PRIM1: variants seen among roughly 807,000 people sequenced by gnomAD.
PRIM1 encodes the protein DNA primase small subunit.
A neutral mutation model predicts 60.2 loss-of-function variants in PRIM1; 38 were observed. That is an observed-to-expected ratio of 0.63 (90% CI 0.49 to 0.83). PRIM1 has a LOEUF of 0.83. Among genes scored for constraint, PRIM1 ranks in the 40% least tolerant of loss-of-function variants. The probability of loss-of-function intolerance (pLI) is 0.00; values close to 1 mark genes in which losing one functional copy is unlikely to be tolerated. For synonymous variants in PRIM1, 158 were observed against 160.2 expected (o/e 0.99, Z 0.10); for missense variants, 388 against 506.2 (o/e 0.77, Z 2.24).
At chr12:56,735,095 G>A (rs1245555163) in intron 11 of PRIM1, among the ~76,000 whole-genome samples, 2 of 151,718 alleles carry the variant, frequency 1.3e-5, no homozygotes, top group African/African-American at 2.4e-5. Flanking sequence ...ACAGGCGTGA[G>A]CCACCGCGCC....
intron 1 of PRIM1, 136 bp downstream of exon 1, chr12:56,752,060 C>A (rs1162141563): frequency 4.9e-6 from 2 of 411,940 alleles, no homozygotes; most frequent in South Asian, 4.9e-5. Flanking sequence ...AGTGGTGGGG[C>A]GGGCTCGAGA....
chr12:56,738,427 AC>A lies in PRIM1; in HGVS notation c.1144+6del. Reference sequence around the variant, plus strand: ...ATTTAAAGTGAAGCTTCAAAATATTACCTTACCTCTGGTTCTATGTTTGACA... The same window carrying A: ...ATTTAAAGTGAAGCTTCAAAATATTACTTACCTCTGGTTCTATGTTTGACA... On this transcript the variant is annotated splice_donor_region_variant and intron_variant, in intron 11 of 12. Transcript: ENST00000338193. The A allele has an allele frequency of 6.4e-7, 1 of 1,569,620 alleles. No homozygotes were observed. The highest frequency in any genetic ancestry group is 8.7e-7 in the Non-Finnish European group (1 of 1,155,852).
At chr12:56,741,325 T>G (rs1480254398) in intron 9 of PRIM1, 110 bp downstream of exon 9, 4 of 1,197,800 alleles carry the variant, frequency 3.3e-6, no homozygotes, top group Non-Finnish European at 4.5e-6. Flanking sequence ...GAGCAATTCT[T>G]CTACCTTTAA....
rs1953874460 is a variant in PRIM1 at position 56,741,823 on chromosome 12, G to A, written c.763C>T (p.Leu255Phe). The A allele has an allele frequency of 1.2e-6, 2 of 1,613,802 alleles. No individual in the cohort carries two copies. Among genetic ancestry groups the A allele is most frequent in the Non-Finnish European group, 1.7e-6 (2 of 1,179,874 alleles). Reference protein sequence around the residue: ...ALVPETIHDELQQSFQKSHNS... With the variant: ...ALVPETIHDEFQQSFQKSHNS... ...TGAGACTTTTGGAAGCTTTGTTGAA[G>A]TTCATCATGAATTGGTGATGGGTCA... is the stretch of plus-strand genomic sequence containing the variant. Residue 255 changes from leucine to phenylalanine, a missense_variant, in exon 8 of 13, where the codon CTT (leucine) becomes TTT (phenylalanine). By Grantham distance (22) the Leu-to-Phe change is conservative (BLOSUM62 0). This residue lies in a region of PRIM1 where 211 missense variants were observed against 277.9 expected (regional missense o/e 0.76). Coordinates refer to ENST00000338193, the MANE Select transcript of PRIM1 (RefSeq NM_000946.3).
At position 56,738,381 on chromosome 12, in the gene PRIM1, A is replaced by C. The variant is rs188257926; in HGVS notation, c.1144+53T>G. Reference sequence around the variant, plus strand: ...AATTAATTACTGGAGTGACAGATGGATATCTATATAAAAACCCTGTATTTA... The same window carrying C: ...AATTAATTACTGGAGTGACAGATGGCTATCTATATAAAAACCCTGTATTTA... On this transcript the variant is annotated intron_variant, in intron 11 of 12. Transcript: ENST00000338193. 93 of 1,522,034 alleles carry C rather than the reference A, an allele frequency of 6.1e-5. No homozygotes were observed. The African/African-American group carries it at 1.2e-3, about 20-fold the overall frequency. 94.3% of individuals were successfully genotyped at this position (1,522,034 alleles called of 1,614,324 possible). A position where few individuals can be genotyped will look rare whatever the true frequency, so the allele number is the denominator to read the frequency against.
chr12:56,733,113 C>T (rs893330695), intron 12 of PRIM1, among the ~76,000 whole-genome samples: 3 of 149,954 alleles, frequency 2.0e-5, no homozygotes, highest in African/African-American at 7.4e-5. Context: ...CTTTGGCCTC[C>T]CAAAGTGCTA....
Position 56,743,018 on chromosome 12 carries a change from G to A in PRIM1, c.717C>T (p.Ser239=). 6.5e-7 allele frequency: 1 copy of A among 1,548,112 alleles called. No individual in the cohort carries two copies. Among genetic ancestry groups the A allele is most frequent in the African/African-American group, 1.4e-5 (1 of 72,812 alleles). Residue 239 remains serine (S), a synonymous_variant, in exon 7 of 13, where the codon AGC becomes AGT. Coordinates refer to ENST00000338193, the MANE Select transcript of PRIM1 (RefSeq NM_000946.3). ...VNQDILENKE[S]WDKILALVPE... is the part of the protein sequence containing the mutation. ...GAACAAGGGCTAAAATCTTATCCCA[G>A]CTTTCTTTATTTTCGAGAATATCTT...
At position 56,746,931 on chromosome 12, in the gene PRIM1, A is replaced by C; in HGVS notation, c.363T>G (p.Cys121Trp). 6.2e-7 allele frequency: 1 copy of C among 1,613,568 alleles called. No homozygotes were observed. Among genetic ancestry groups the C allele is most frequent in the Non-Finnish European group, 8.5e-7 (1 of 1,179,636 alleles). ...GCAAGACACACAGTGCTCACCTACA[A>C]CATCTCCTCACATCGTCATAGTCTG... ...DMTDYDDVRR[C>W]CSSADICPKC... is the part of the protein sequence containing the mutation. The change falls in exon 3 of 13, where the codon TGT (cysteine) becomes TGG (tryptophan). Residue 121 changes from cysteine to tryptophan, a missense_variant. Cys to Trp is a radical substitution (Grantham distance 215, BLOSUM62 -2). This residue lies in a region of PRIM1 where 156 missense variants were observed against 175.8 expected (regional missense o/e 0.89). Transcript: ENST00000338193.
At chr12:56,752,171 C>T in intron 1 of PRIM1, 25 bp downstream of exon 1, 2 of 1,524,640 alleles carry the variant, frequency 1.3e-6, no homozygotes, top group Non-Finnish European at 1.8e-6. Context: ...ACTCCGCTCC[C>T]GAACCCATTC....
chr12:56,748,958 A>G (rs1055626332), intron 2 of PRIM1, among the ~76,000 whole-genome samples: 1 of 146,976 alleles, frequency 6.8e-6, no homozygotes, highest in African/African-American at 2.5e-5. Context: ...TTGTCTCAAC[A>G]AAAGAAAGAA....
chr12:56,732,980 A>T (rs1258494523), intron 12 of PRIM1, among the ~76,000 whole-genome samples: 74 of 133,862 alleles, frequency 5.5e-4, no homozygotes, highest in Middle Eastern at 5.3e-3. Flanking sequence ...TCAGCCTCCC[A>T]AGTAGCTGGG....
At chr12:56,747,620 C>T (rs1953917092) in intron 2 of PRIM1, among the ~76,000 whole-genome samples, 1 of 152,104 alleles carries the variant, frequency 6.6e-6, no homozygotes, top group Non-Finnish European at 1.5e-5. Flanking sequence ...ATGGCATATG[C>T]CTGTAGTCCC....
intron 12 of PRIM1, among the ~76,000 whole-genome samples, chr12:56,732,442 G>A (rs1953791053): frequency 1.3e-5 from 2 of 152,156 alleles, no homozygotes; most frequent in Admixed American, 6.5e-5. Flanking sequence ...CTGTTCTAGT[G>A]GCAATAGCGC....
rs1953891106 is a variant in PRIM1 at position 56,744,176 on chromosome 12, C to A, written c.580-53G>T. On this transcript the variant is annotated intron_variant, in intron 5 of 12. Transcript: ENST00000338193. ...TTCAGGTATACAATATAAATACAGT[C>A]ATGTGCAGCATAACGACATTTTAGT... The A allele has an allele frequency of 2.3e-6, 3 of 1,312,768 alleles. No homozygotes were observed. In the South Asian group the frequency reaches 3.8e-5, roughly 17 times the overall value. The allele number at this position is 1,312,768 out of a possible 1,614,324, so 81.3% of individuals were successfully genotyped here. A position where few individuals can be genotyped will look rare whatever the true frequency, so the allele number is the denominator to read the frequency against.
chr12:56,749,886 C>T (rs1316966952), intron 2 of PRIM1, among the ~76,000 whole-genome samples: 1 of 152,202 alleles, frequency 6.6e-6, no homozygotes, highest in African/African-American at 2.4e-5. Flanking sequence ...TTGGTTTGTT[C>T]ATTCACTCAA....
intron 4 of PRIM1, chr12:56,746,420 C>A: frequency 1.6e-6 from 1 of 640,664 alleles, no homozygotes; most frequent in Non-Finnish European, 2.8e-6. Context: ...ATCACGAGGT[C>A]AGGAGTTCGA....
chr12:56,746,409 G>C (rs557081275), intron 4 of PRIM1: 3 of 657,944 alleles, frequency 4.6e-6, no homozygotes, highest in Non-Finnish European at 5.5e-6. Flanking sequence ...GAGGTGGGCA[G>C]ATCACGAGGT....
chr12:56,736,853 G>A (rs1423656702), intron 11 of PRIM1, among the ~76,000 whole-genome samples: 2 of 152,056 alleles, frequency 1.3e-5, no homozygotes, highest in Non-Finnish European at 2.9e-5. Context: ...CCAGGCTGGA[G>A]TACAGTGGTG....
intron 2 of PRIM1, among the ~76,000 whole-genome samples, chr12:56,749,931 C>G (rs372195085): frequency 6.6e-6 from 1 of 152,178 alleles, no homozygotes; most frequent in Non-Finnish European, 1.5e-5. Flanking sequence ...TTGCCAGGCA[C>G]TCTTCTAGGG....
Sources: gnomAD v4.1 joint callset for allele counts (sites outside exome capture counted in the v4.1 genomes callset) on GRCh38, gnomAD v4.1.1 for gene constraint, gnomAD v4.1.1 regional missense constraint, MANE v1.5 for transcripts, NCBI Gene and HGNC (gene_info 2026-07-23, HGNC 2026-07-21) for gene names.